Variants in FRYL observed in about 807,000 individuals in gnomAD.
The protein encoded by FRYL is FRY like transcription coactivator.
In FRYL, 150 loss-of-function variants were observed where a neutral mutation model predicts 351.2. The ratio of observed to expected loss-of-function variants is 0.43; its 90% CI spans 0.37 to 0.49. FRYL has a LOEUF of 0.49. Among genes scored for constraint, FRYL ranks in the 20% least tolerant of loss-of-function variants. The probability of loss-of-function intolerance (pLI) is 0.00; values close to 1 mark genes in which losing one functional copy is unlikely to be tolerated. For synonymous variants in FRYL, 1,153 were observed against 1,257.1 expected (o/e 0.92, Z 1.75); for missense variants, 3,036 against 3,619.3 (o/e 0.84, Z 4.13).
intron 1 of FRYL, among the ~76,000 whole-genome samples, chr4:48,728,667 A>G (rs1447551486): frequency 6.6e-6 from 1 of 152,236 alleles, no homozygotes; most frequent in Non-Finnish European, 1.5e-5. Flanking sequence ...GAAGATAAAA[A>G]CACCATACCT....
In FRYL at chr4:48,532,002, T is replaced by A. The variant is rs187627356; in HGVS notation, c.6706-649A>T. On this transcript the variant is annotated intron_variant, in intron 49 of 63. Transcript: ENST00000358350. ...GTTTTGTATATTCCTACCAATGAAA[T>A]CTAGGAATTATTTATGAGCTAGATG... Among the ~76,000 whole-genome samples the A allele has an allele frequency of 9.9e-5, 15 of 152,254 alleles. No individual in the cohort carries two copies. In the East Asian group the frequency reaches 1.9e-3, roughly 20 times the overall value.
At chr4:48,724,105 G>C (rs1336375856) in intron 1 of FRYL, among the ~76,000 whole-genome samples, 1 of 151,748 alleles carries the variant, frequency 6.6e-6, no homozygotes, top group Non-Finnish European at 1.5e-5. Context: ...TCCAGCCTGG[G>C]AGACAGAGCA....
intron 54 of FRYL, among the ~76,000 whole-genome samples, chr4:48,521,491 C>A (rs757193074): frequency 6.6e-6 from 1 of 152,198 alleles, no homozygotes; most frequent in Non-Finnish European, 1.5e-5. Flanking sequence ...TAACCTTGAG[C>A]TGAAATTCAT....
intron 1 of FRYL, among the ~76,000 whole-genome samples, chr4:48,757,270 T>C (rs555002658): frequency 6.6e-6 from 1 of 152,114 alleles, no homozygotes; most frequent in Non-Finnish European, 1.5e-5. Flanking sequence ...AAATAAAGGG[T>C]ATTCAATTAG....
At chr4:48,557,239 T>G in intron 34 of FRYL, 121 bp from the exon 35 acceptor site, 1 of 1,263,642 alleles carries the variant, frequency 7.9e-7, no homozygotes, top group Non-Finnish European at 1.1e-6. Context: ...TTTCCACACT[T>G]TACAGAAACA....
intron 13 of FRYL, among the ~76,000 whole-genome samples, chr4:48,596,267 A>G (rs1222056148): frequency 6.6e-6 from 1 of 152,160 alleles, no homozygotes; most frequent in Non-Finnish European, 1.5e-5. Context: ...TAGTATTTCT[A>G]AGAATTCTAA....
Position 48,557,420 on chromosome 4 carries a change from G to A in FRYL, c.4125+33C>T, listed in dbSNP as rs1159163097. 2.5e-6 allele frequency: 4 copies of A among 1,609,550 alleles called. No individual in the cohort carries two copies. In the South Asian group the frequency reaches 3.3e-5, roughly 13 times the overall value. On this transcript the variant is annotated intron_variant, in intron 34 of 63. Coordinates refer to ENST00000358350, the MANE Select transcript of FRYL (RefSeq NM_015030.2). The stretch of plus-strand genomic sequence containing the variant: ...CCACATCTACTCACTCAATAATTCT[G>A]TGCAGCAATTATAAATACAAAACTC...
At chr4:48,635,809 A>T (rs1344599367) in intron 3 of FRYL, among the ~76,000 whole-genome samples, 2 of 152,156 alleles carry the variant, frequency 1.3e-5, no homozygotes, top group Non-Finnish European at 2.9e-5. Flanking sequence ...AACTCCAGAG[A>T]CTGCCCTTGA....
chr4:48,499,893 G>A, intron 63 of FRYL, 137 bp downstream of exon 63: 1 of 768,120 alleles, frequency 1.3e-6, no homozygotes, highest in Non-Finnish European at 2.0e-6. Flanking sequence ...TCATTTCAGT[G>A]GCAACTGTTA....
At chr4:48,726,458 G>A (rs185281586) in intron 1 of FRYL, among the ~76,000 whole-genome samples, 63 of 152,230 alleles carry the variant, frequency 4.1e-4, no homozygotes, top group African/African-American at 1.4e-3. Flanking sequence ...GAGGTGGGTG[G>A]ATCACTTGAG....
chr4:48,660,385 G>A (rs1760449224), intron 3 of FRYL, among the ~76,000 whole-genome samples: 2 of 152,166 alleles, frequency 1.3e-5, no homozygotes, highest in Non-Finnish European at 2.9e-5. Context: ...TAGATTTTGG[G>A]AGGGACCCAC....
intron 19 of FRYL, among the ~76,000 whole-genome samples, chr4:48,585,527 T>C (rs529660301): frequency 1.3e-5 from 2 of 152,380 alleles, no homozygotes; most frequent in East Asian, 1.9e-4. Context: ...ATATTGCTGC[T>C]CTGCTATAGT....
At chr4:48,522,862 T>G in intron 54 of FRYL, 39 bp downstream of exon 54, 1,110 of 1,467,708 alleles carry the variant, frequency 7.6e-4, no homozygotes, top group Middle Eastern at 1.0e-3. Flanking sequence ...AAGAGGAAAA[T>G]GAGACCAAAT....
intron 1 of FRYL, among the ~76,000 whole-genome samples, chr4:48,760,552 T>A (rs1365704540): frequency 6.6e-6 from 1 of 152,230 alleles, no homozygotes; most frequent in South Asian, 2.1e-4. Context: ...TTTTGTTTTT[T>A]CCTTGCCTTA....
At position 48,594,019 on chromosome 4, in the gene FRYL, T is replaced by TAAA; in HGVS notation, c.1249-6_1249-4dup. On this transcript the variant is annotated splice_polypyrimidine_tract_variant and splice_region_variant and intron_variant, in intron 15 of 63. Transcript: ENST00000358350. ...TTCATTGCAAAATCCAAGCGTTCCT[T>TAAA]AAAAAAAAAAAAATCCTTATAACTT... is the stretch of plus-strand genomic sequence containing the variant. 6.9e-6 allele frequency: 8 copies of TAAA among 1,167,454 alleles called. No homozygotes were observed. Among genetic ancestry groups the TAAA allele is most frequent in the Non-Finnish European group, 9.2e-6 (8 of 869,924 alleles). The allele number at this position is 1,167,454 out of a possible 1,614,324, so 72.3% of individuals were successfully genotyped here.
intron 3 of FRYL, chr4:48,653,611 A>C: frequency 1.4e-6 from 1 of 693,878 alleles, no homozygotes; most frequent in Non-Finnish European, 2.1e-6. Context: ...TATTTTCAAC[A>C]GCTTTTTATC....
chr4:48,702,783 G>C, intron 2 of FRYL, among the ~76,000 whole-genome samples: 1 of 98,346 alleles, frequency 1.0e-5, no homozygotes, highest in Admixed American at 1.0e-4. Context: ...AAAAGAAAAA[G>C]AAAGAAAAGA....
At chr4:48,598,840 C>A (rs1359191035) in intron 13 of FRYL, 30 of 984,682 alleles carry the variant, frequency 3.0e-5, no homozygotes, top group Non-Finnish European at 3.6e-5. Context: ...TGGAGTGTTT[C>A]TATTTGTTTT....
intron 2 of FRYL, among the ~76,000 whole-genome samples, chr4:48,702,773 A>AAAAAAAAG (rs1553983293): frequency 2.9e-5 from 4 of 139,276 alleles, no homozygotes; most frequent in African/African-American, 5.3e-5. Context: ...AAAAAAAAAA[A>AAAAAAAAG]AAAGAAAAAG....
Sources: gnomAD v4.1 joint callset for allele counts (sites outside exome capture counted in the v4.1 genomes callset) on GRCh38, gnomAD v4.1.1 for gene constraint, MANE v1.5 for transcripts, NCBI Gene and HGNC (gene_info 2026-07-23, HGNC 2026-07-21) for gene names.